Variants in ENOX1 observed in about 807,000 individuals in gnomAD.
ENOX1 encodes ecto-NOX disulfide-thiol exchanger 1.
Under a neutral mutation model 82.5 loss-of-function variants are expected in ENOX1, and 42 were observed. The ratio of observed to expected loss-of-function variants is 0.51; its 90% CI spans 0.40 to 0.66. The LOEUF (loss-of-function observed/expected upper bound fraction) is 0.66, where lower values mean the gene tolerates loss of function less well. Ranked by LOEUF, ENOX1 falls within the 30% of genes least tolerant of loss-of-function variation. ENOX1 has a pLI of 0.00. For synonymous variants in ENOX1, 271 were observed against 282.2 expected, an observed-to-expected ratio of 0.96 and a Z score of 0.40; for missense variants, 608 against 811.6, an observed-to-expected ratio of 0.75 and a Z score of 3.05.
chr13:43,671,779 T>C (rs1010721053), intron 1 of ENOX1, among the ~76,000 whole-genome samples: 4 of 152,140 alleles, frequency 2.6e-5, no homozygotes, highest in Middle Eastern at 3.2e-3. Context: ...CAAGGATCCC[T>C]ATCTCTCTGG....
intron 1 of ENOX1, among the ~76,000 whole-genome samples, chr13:43,678,079 C>T (rs2085599465): frequency 6.6e-6 from 1 of 152,006 alleles, no homozygotes. Flanking sequence ...AATGTGCATA[C>T]AATATATCCA....
intron 3 of ENOX1, among the ~76,000 whole-genome samples, chr13:43,440,429 GC>G (rs2056297039): frequency 6.6e-6 from 1 of 152,128 alleles, no homozygotes; most frequent in East Asian, 1.9e-4. Flanking sequence ...TTAAACATTT[GC>G]TGACACTGCT....
At chr13:43,580,303 G>A (rs1361358030) in intron 2 of ENOX1, among the ~76,000 whole-genome samples, 2 of 152,190 alleles carry the variant, frequency 1.3e-5, no homozygotes, top group Non-Finnish European at 2.9e-5. Flanking sequence ...AAAGTTAGTT[G>A]ACACTCAGCC....
intron 1 of ENOX1, among the ~76,000 whole-genome samples, chr13:43,740,540 T>A (rs1301538144): frequency 1.3e-5 from 2 of 152,148 alleles, no homozygotes. Context: ...TAGGTAAACA[T>A]GTCTCGTGGG....
Position 43,714,626 on chromosome 13 carries a change from A to C in ENOX1, c.-284-47082T>G, listed in dbSNP as rs541159835. Among the ~76,000 whole-genome samples the C allele has an allele frequency of 3.1e-3, 469 of 152,320 alleles. 5 individuals carry two copies. Among genetic ancestry groups the C allele is most frequent in the African/African-American group, 0.011 (451 of 41,574 alleles). On this transcript the variant is annotated intron_variant, in intron 1 of 16. Coordinates refer to ENST00000690772, the MANE Select transcript of ENOX1 (RefSeq NM_001347969.2). The stretch of plus-strand genomic sequence containing the variant: ...TGTTGGGTGCATATATATTTAGGAC[A>C]GTTAGCTCTTCTTGTTGAATTGATC...
Position 43,786,643 on chromosome 13 carries a change from G to A in ENOX1, c.-285+9C>T, listed in dbSNP as rs1407400761. 2 of 152,134 alleles carry A rather than the reference G, an allele frequency of 1.3e-5. No individual in the cohort carries two copies. The highest frequency in any genetic ancestry group is 2.9e-5 in the Non-Finnish European group (2 of 68,056). The allele number at this position is 152,134 out of a possible 1,614,324, so 9.4% of individuals were successfully genotyped here. On this transcript the variant is annotated intron_variant, in intron 1 of 16. Transcript: ENST00000690772. This position sits in a 1 kb window ranked among gnomAD's most constrained non-coding sequence, Gnocchi z 6.0. ...CCCCAGGGAGGCTGCGGGCCCCGGA[G>A]CTGCTTACCTGGGGCCGCCGTATGG...
At position 43,260,803 on chromosome 13, in the gene ENOX1, T is replaced by C. The variant is rs532108260; in HGVS notation, c.1611+4595A>G. Among the ~76,000 whole-genome samples, 3 of 152,300 alleles carry C rather than the reference T, an allele frequency of 2.0e-5. No homozygotes were observed. In the South Asian group the frequency reaches 6.2e-4, roughly 32 times the overall value. On this transcript the variant is annotated intron_variant, in intron 14 of 16. Transcript: ENST00000690772. Reference sequence around the variant, plus strand: ...AGAGATGAAAAGAAAATTTATAGGTTTGCTTTCCAGGAAAGAAAATTGGGT... The same window carrying C: ...AGAGATGAAAAGAAAATTTATAGGTCTGCTTTCCAGGAAAGAAAATTGGGT...
chr13:43,352,021 A>C (rs931346621), intron 8 of ENOX1, among the ~76,000 whole-genome samples: 1 of 152,244 alleles, frequency 6.6e-6, no homozygotes, highest in Non-Finnish European at 1.5e-5. Flanking sequence ...TGGGACATCC[A>C]CTTGGCTCAT....
chr13:43,753,670 A>G (rs1950439216), intron 1 of ENOX1, among the ~76,000 whole-genome samples: 1 of 152,190 alleles, frequency 6.6e-6, no homozygotes, highest in Non-Finnish European at 1.5e-5. Flanking sequence ...TATCCTCAGC[A>G]TTTATATTTC....
At chr13:43,770,912 TG>T (rs1951557310) in intron 1 of ENOX1, among the ~76,000 whole-genome samples, 1 of 152,062 alleles carries the variant, frequency 6.6e-6, no homozygotes, top group South Asian at 2.1e-4. Context: ...GTGAAATAAA[TG>T]GATGGCTTTG....
At position 43,547,393 on chromosome 13, in the gene ENOX1, A is replaced by G. The variant is rs185849298; in HGVS notation, c.-218-63241T>C. ...AGAGAGCCCTGTGGAAGAATGCACTAACTTAATATGTACTTCCAGATAAAT... is the reference window on the plus strand; with the variant it reads ...AGAGAGCCCTGTGGAAGAATGCACTGACTTAATATGTACTTCCAGATAAAT... On this transcript the variant is annotated intron_variant, in intron 2 of 16. Transcript: ENST00000690772. The G allele has an allele frequency of 6.6e-5, 10 of 152,368 alleles. No homozygotes were observed. The East Asian group carries it at 1.7e-3, about 26-fold the overall frequency. The allele number at this position is 152,368 out of a possible 1,614,324, so 9.4% of individuals were successfully genotyped here.
At chr13:43,411,851 A>G in intron 5 of ENOX1, 65 bp downstream of exon 5, 1 of 1,589,786 alleles carries the variant, frequency 6.3e-7, no homozygotes, top group Admixed American at 1.7e-5. Flanking sequence ...AGAGATTACC[A>G]GGCACCTGTC....
chr13:43,295,777 A>G (rs1302180204), intron 12 of ENOX1, among the ~76,000 whole-genome samples: 2 of 152,242 alleles, frequency 1.3e-5, no homozygotes, highest in African/African-American at 4.8e-5. Flanking sequence ...GATTCAAATT[A>G]GCAAATTGTG....
At position 43,683,886 on chromosome 13, in the gene ENOX1, C is replaced by T. The variant is rs181403218; in HGVS notation, c.-284-16342G>A. On this transcript the variant is annotated intron_variant, in intron 1 of 16. Coordinates refer to ENST00000690772, the MANE Select transcript of ENOX1 (RefSeq NM_001347969.2). Reference sequence around the variant, plus strand: ...CTGTGTCAGCCACTGAACCATGTGTCGCAAAGGACACTATGGGAAGAGAAC... The same window carrying T: ...CTGTGTCAGCCACTGAACCATGTGTTGCAAAGGACACTATGGGAAGAGAAC... 1.8e-3 allele frequency among the ~76,000 whole-genome samples: 275 copies of T among 152,022 alleles called. 1 individual carries two copies. Among genetic ancestry groups the T allele is most frequent in the African/African-American group, 6.0e-3 (249 of 41,462 alleles).
At chr13:43,380,636 A>C (rs1460770285) in intron 5 of ENOX1, among the ~76,000 whole-genome samples, 4 of 151,764 alleles carry the variant, frequency 2.6e-5, no homozygotes, top group African/African-American at 7.2e-5. Context: ...GATTGGATAT[A>C]AAAACTATAT....
At chr13:43,252,520 G>A (rs760517437) in intron 14 of ENOX1, among the ~76,000 whole-genome samples, 13 of 152,138 alleles carry the variant, frequency 8.5e-5, no homozygotes, top group Non-Finnish European at 1.6e-4. Flanking sequence ...GCTGTCTTTC[G>A]ATAAAAACAT....
intron 3 of ENOX1, chr13:43,459,384 G>A (rs1198260393): frequency 2.6e-5 from 4 of 152,186 alleles, no homozygotes; most frequent in Non-Finnish European, 4.4e-5. Context: ...TTAATCCTTA[G>A]GTTGCAGGAC....
chr13:43,343,468 G>A (rs566540437), intron 9 of ENOX1, among the ~76,000 whole-genome samples: 6 of 152,156 alleles, frequency 3.9e-5, no homozygotes, highest in Admixed American at 2.0e-4. Context: ...ATCACTTATC[G>A]GAATTTACAT....
At chr13:43,243,311 C>G (rs2042930633) in intron 14 of ENOX1, among the ~76,000 whole-genome samples, 1 of 152,114 alleles carries the variant, frequency 6.6e-6, no homozygotes, top group Admixed American at 6.5e-5. Flanking sequence ...GGCGCTCAAA[C>G]CCTCATTTTG....
Sources: gnomAD v4.1 joint callset for allele counts (sites outside exome capture counted in the v4.1 genomes callset) on GRCh38, gnomAD v4.1.1 for gene constraint, Gnocchi (gnomAD v3.1) non-coding constraint, MANE v1.5 for transcripts, NCBI Gene and HGNC (gene_info 2026-07-23, HGNC 2026-07-21) for gene names.